Variants in PAPPA2 observed in about 807,000 individuals in gnomAD.
PAPPA2 encodes pappalysin 2, also known as pappalysin-2.
A neutral mutation model predicts 176.4 loss-of-function variants in PAPPA2; 86 were observed. The ratio of observed to expected loss-of-function variants is 0.49; its 90% CI spans 0.41 to 0.58. The LOEUF (loss-of-function observed/expected upper bound fraction) is 0.58. Among genes scored for constraint, PAPPA2 ranks in the 20% least tolerant of loss-of-function variants. The pLI is 0.00. For synonymous variants in PAPPA2, 809 were observed against 852.2 expected, an observed-to-expected ratio of 0.95 and a Z score of 0.88; for missense variants, 2,073 against 2,256.9, an observed-to-expected ratio of 0.92 and a Z score of 1.65.
At chr1:176,778,282 AT>A (rs1212401065) in intron 17 of PAPPA2, among the ~76,000 whole-genome samples, 2 of 152,196 alleles carry the variant, frequency 1.3e-5, no homozygotes, top group African/African-American at 4.8e-5. Context: ...GTGGCTTCAA[AT>A]AGATCAAGGA....
intron 2 of PAPPA2, among the ~76,000 whole-genome samples, chr1:176,567,320 C>T (rs1485285549): frequency 1.3e-5 from 2 of 152,172 alleles, no homozygotes; most frequent in African/African-American, 2.4e-5. Context: ...AGTCTCAGAA[C>T]ATTTGAAGTA....
chr1:176,831,486 A>G (rs938275927), intron 21 of PAPPA2, among the ~76,000 whole-genome samples: 2 of 152,172 alleles, frequency 1.3e-5, no homozygotes, highest in Non-Finnish European at 2.9e-5. Flanking sequence ...CATGGATATC[A>G]CCTGAACACT....
intron 7 of PAPPA2, among the ~76,000 whole-genome samples, chr1:176,696,324 C>A (rs113737171): frequency 3.9e-5 from 5 of 128,026 alleles, no homozygotes; most frequent in African/African-American, 1.5e-4. Flanking sequence ...GTGGGGGGAC[C>A]GCAGAGAAAA....
chr1:176,645,778 C>T (rs1172469126), intron 3 of PAPPA2, among the ~76,000 whole-genome samples: 2 of 151,530 alleles, frequency 1.3e-5, no homozygotes, highest in Non-Finnish European at 3.0e-5. Flanking sequence ...TTGATAAAGC[C>T]GTTTTAGCTG....
At chr1:176,498,751 C>CACAAAAAAAAA (rs762510082) in intron 1 of PAPPA2, among the ~76,000 whole-genome samples, 93 of 112,100 alleles carry the variant, frequency 8.3e-4, no homozygotes, top group African/African-American at 1.6e-3. Context: ...CTCTTACCTC[C>CACAAAAAAAAA]AAAAAAAAAA....
intron 4 of PAPPA2, among the ~76,000 whole-genome samples, chr1:176,679,160 CA>C (rs1326624124): frequency 1.3e-5 from 2 of 152,154 alleles, no homozygotes; most frequent in African/African-American, 4.8e-5. Flanking sequence ...CTGACTCTTT[CA>C]ATCTTCTTAC....
rs981228714 is a variant in PAPPA2, at chr1:176,776,605, G to A, written c.4715+5425G>A. Among the ~76,000 whole-genome samples, 16 of 152,062 alleles carry A rather than the reference G, an allele frequency of 1.1e-4. No homozygotes were observed. The East Asian group carries it at 1.3e-3, about 13-fold the overall frequency. ...ATTGGGGGAGAGCCTGAGATGGGCT[G>A]GAGCTGGGCATGTGTGTTTGACCCA... On this transcript the variant is annotated intron_variant, in intron 17 of 22. Transcript: ENST00000367662.
rs370057797 is a variant in PAPPA2, at chr1:176,485,543, A to T, written c.-917+22125A>T. Among the ~76,000 whole-genome samples the T allele has an allele frequency of 6.6e-5, 10 of 152,222 alleles. No homozygotes were observed. In the East Asian group the frequency reaches 1.3e-3, roughly 21 times the overall value. On this transcript the variant is annotated intron_variant, in intron 1 of 22. Coordinates refer to ENST00000367662, the MANE Select transcript of PAPPA2 (RefSeq NM_020318.3). The stretch of plus-strand genomic sequence containing the variant: ...TATTTGGACATATATATTTTTAAAG[A>T]ATTGTTCACCGACTTTATTTTCTTC...
chr1:176,481,251 A>AACACAC (rs1652379411), intron 1 of PAPPA2, among the ~76,000 whole-genome samples: 1 of 95,232 alleles, frequency 1.1e-5, no homozygotes. Flanking sequence ...GAGATTTTAA[A>AACACAC]GCACACACAC....
chr1:176,574,101 G>A (rs982347844), intron 2 of PAPPA2, among the ~76,000 whole-genome samples: 2 of 151,950 alleles, frequency 1.3e-5, no homozygotes, highest in Non-Finnish European at 2.9e-5. Context: ...TTTTACCATA[G>A]GCAAGATGTT....
At chr1:176,704,185 GA>G (rs1189673417) in intron 9 of PAPPA2, among the ~76,000 whole-genome samples, 1 of 152,116 alleles carries the variant, frequency 6.6e-6, no homozygotes, top group African/African-American at 2.4e-5. Context: ...ATTCTCTCAC[GA>G]GCCTTAAAGC....
intron 3 of PAPPA2, chr1:176,616,626 G>C: frequency 1.3e-6 from 2 of 1,569,858 alleles, no homozygotes; most frequent in Non-Finnish European, 1.7e-6. Flanking sequence ...CACAAGAGTA[G>C]TGTCATAAGT....
chr1:176,536,783 G>A (rs1650087760), intron 1 of PAPPA2, among the ~76,000 whole-genome samples: 1 of 152,134 alleles, frequency 6.6e-6, no homozygotes, highest in African/African-American at 2.4e-5. Context: ...AGTCCGAGTG[G>A]GAGGGCATAG....
chr1:176,717,192 G>A (rs975005037), intron 12 of PAPPA2, among the ~76,000 whole-genome samples: 23 of 152,160 alleles, frequency 1.5e-4, no homozygotes, highest in African/African-American at 5.3e-4. Context: ...GTAAGCATTG[G>A]TTAGGGCCCT....
chr1:176,529,990 A>G (rs550805867), intron 1 of PAPPA2, among the ~76,000 whole-genome samples: 32 of 152,318 alleles, frequency 2.1e-4, no homozygotes, highest in Non-Finnish European at 4.3e-4. Context: ...ATGTACAGGG[A>G]CCAGCTAAAA....
chr1:176,524,832 G>A (rs1050567794), intron 1 of PAPPA2, among the ~76,000 whole-genome samples: 1 of 152,010 alleles, frequency 6.6e-6, no homozygotes, highest in Non-Finnish European at 1.5e-5. Flanking sequence ...GACCATCCTG[G>A]CTAACACGAT....
At chr1:176,581,122 T>C (rs150257859) in intron 2 of PAPPA2, among the ~76,000 whole-genome samples, 289 of 152,338 alleles carry the variant, frequency 1.9e-3, no homozygotes, top group Middle Eastern at 6.8e-3. Flanking sequence ...TTTAACCCAT[T>C]TTGAAATTTT....
intron 3 of PAPPA2, among the ~76,000 whole-genome samples, chr1:176,610,776 GAATTTTAAAAAGAGTCAC>G (rs1313179311): frequency 1.3e-5 from 2 of 152,140 alleles, no homozygotes; most frequent in East Asian, 3.9e-4. Context: ...CAATAGAAAA[GAATTTTAAAAAGAGTCAC>G]AATGGCCTTT....
At chr1:176,690,785 A>T in intron 5 of PAPPA2, 4 of 1,067,206 alleles carry the variant, frequency 3.7e-6, no homozygotes, top group Non-Finnish European at 4.5e-6. Context: ...ATTTACTCTG[A>T]AGAAGAGTCC....
Sources: gnomAD v4.1 joint callset for allele counts (sites outside exome capture counted in the v4.1 genomes callset) on GRCh38, gnomAD v4.1.1 for gene constraint, MANE v1.5 for transcripts, NCBI Gene and HGNC (gene_info 2026-07-23, HGNC 2026-07-21) for gene names.